Variants in ANO4 observed in about 807,000 individuals in gnomAD.
ANO4 encodes the protein anoctamin 4.
A neutral mutation model predicts 141.9 loss-of-function variants in ANO4; 69 were observed. That is an observed-to-expected ratio of 0.49 (90% confidence interval 0.40 to 0.59). ANO4 has a LOEUF of 0.59. Among genes scored for constraint, ANO4 ranks in the 20% least tolerant of loss-of-function variants. ANO4 has a pLI of 0.00. For missense variants in ANO4, 894 were observed against 1,162.2 expected (o/e 0.77, Z 3.36); for synonymous variants, 350 against 394.3 (o/e 0.89, Z 1.33).
intron 1 of ANO4, among the ~76,000 whole-genome samples, chr12:100,849,745 T>G (rs1323084630): frequency 6.6e-6 from 1 of 152,206 alleles, no homozygotes; most frequent in Admixed American, 6.5e-5. Flanking sequence ...GTAGGAAAAT[T>G]TTTAGAGCTA....
intron 7 of ANO4, among the ~76,000 whole-genome samples, chr12:100,981,248 C>T (rs1318146783): frequency 6.6e-6 from 1 of 152,156 alleles, no homozygotes; most frequent in Non-Finnish European, 1.5e-5. Flanking sequence ...AATAGTACCC[C>T]TGTGACCTAA....
chr12:100,894,086 C>T (rs201204824), intron 1 of ANO4, among the ~76,000 whole-genome samples: 22 of 152,196 alleles, frequency 1.4e-4, no homozygotes, highest in East Asian at 1.4e-3. Flanking sequence ...CTTTTCAATG[C>T]GCTTAAACGC....
intron 22 of ANO4, among the ~76,000 whole-genome samples, chr12:101,108,238 A>G (rs2050525348): frequency 6.6e-6 from 1 of 152,150 alleles, no homozygotes; most frequent in South Asian, 2.1e-4. Flanking sequence ...ACCAAGGTTG[A>G]AACAGAAGGG....
chr12:100,807,273 G>A (rs1446470036), intron 1 of ANO4, among the ~76,000 whole-genome samples: 3 of 152,092 alleles, frequency 2.0e-5, no homozygotes, highest in South Asian at 2.1e-4. Flanking sequence ...ACATGGAAGG[G>A]TATCATCATC....
At chr12:100,939,574 A>T in intron 4 of ANO4, 123 bp downstream of exon 4, 4 of 1,103,412 alleles carry the variant, frequency 3.6e-6, no homozygotes, top group Non-Finnish European at 4.9e-6. Context: ...AAAACAAGGG[A>T]CAGGTTTTAT....
At chr12:101,042,177 A>T (rs2047433917) in intron 11 of ANO4, among the ~76,000 whole-genome samples, 157 bp from the exon 12 acceptor site, 1 of 152,198 alleles carries the variant, frequency 6.6e-6, no homozygotes, top group South Asian at 2.1e-4. Context: ...ATGTAAGCCC[A>T]GATCCTAGAT....
intron 8 of ANO4, among the ~76,000 whole-genome samples, chr12:100,994,772 G>C (rs1007708316): frequency 8.5e-5 from 13 of 152,176 alleles, no homozygotes; most frequent in Admixed American, 8.5e-4. Flanking sequence ...GGTGCTTGGA[G>C]ATCAACAGTA....
Position 100,887,650 on chromosome 12 carries a change from A to C in ANO4, c.-140-13996A>C, listed in dbSNP as rs144095307. Among the ~76,000 whole-genome samples, 4 of 152,330 alleles carry C rather than the reference A, an allele frequency of 2.6e-5. No homozygotes were observed. The East Asian group carries it at 5.8e-4, about 22-fold the overall frequency. On this transcript the variant is annotated intron_variant, in intron 1 of 27. Coordinates refer to ENST00000392977, the MANE Select transcript of ANO4 (RefSeq NM_001286615.2). ...TGTCAGACAGTGAGCTCATGAGTGC[A>C]AGGACTCTGTCTTTTAATTTCTGAA...
chr12:101,033,259 T>C (rs920516074), intron 9 of ANO4, among the ~76,000 whole-genome samples: 1 of 151,696 alleles, frequency 6.6e-6, no homozygotes, highest in African/African-American at 2.4e-5. Flanking sequence ...TAGGTGGGAA[T>C]TGAACAATGA....
chr12:101,111,466 G>A, intron 23 of ANO4, 97 bp from the exon 24 acceptor site: 1 of 1,146,620 alleles, frequency 8.7e-7, no homozygotes, highest in South Asian at 1.8e-5. Context: ...ATGAAGAAAG[G>A]ACCCATGAAA....
intron 5 of ANO4, among the ~76,000 whole-genome samples, chr12:100,969,820 A>G (rs915009194): frequency 6.6e-6 from 1 of 152,226 alleles, no homozygotes; most frequent in Non-Finnish European, 1.5e-5. Flanking sequence ...GTCCAGATCA[A>G]TCCTATATGA....
intron 3 of ANO4, among the ~76,000 whole-genome samples, chr12:100,932,515 G>T (rs951476352): frequency 6.6e-6 from 1 of 151,932 alleles, no homozygotes; most frequent in Admixed American, 6.6e-5. Context: ...TAATTAGTTC[G>T]TCCATTTATT....
chr12:101,107,603 A>G (rs2137001476), intron 22 of ANO4, among the ~76,000 whole-genome samples: 1 of 152,280 alleles, frequency 6.6e-6, no homozygotes, highest in Middle Eastern at 3.4e-3. Flanking sequence ...GCCAGAGTAG[A>G]GGATTGTTTG....
At chr12:100,801,405 TCTG>T (rs1374546783) in intron 1 of ANO4, among the ~76,000 whole-genome samples, 1 of 152,220 alleles carries the variant, frequency 6.6e-6, no homozygotes, top group African/African-American at 2.4e-5. Context: ...AGGAAATGTT[TCTG>T]CTTTCAAATG....
intron 3 of ANO4, among the ~76,000 whole-genome samples, chr12:100,752,075 A>G (rs2032409406): frequency 6.6e-6 from 1 of 152,224 alleles, no homozygotes; most frequent in Non-Finnish European, 1.5e-5. Context: ...GACTCAAATG[A>G]GATAAAATAG....
At chr12:100,756,050 G>A (rs1565857681) in intron 3 of ANO4, among the ~76,000 whole-genome samples, 2 of 151,948 alleles carry the variant, frequency 1.3e-5, no homozygotes, top group South Asian at 2.1e-4. Context: ...TTTTAATTAC[G>A]TTTATTATTT....
intron 11 of ANO4, 137 bp downstream of exon 11, chr12:101,040,213 G>A: frequency 1.8e-6 from 2 of 1,105,074 alleles, no homozygotes; most frequent in Non-Finnish European, 2.4e-6. Context: ...CTTCACAAGA[G>A]GAAACTCATC....
intron 8 of ANO4, among the ~76,000 whole-genome samples, chr12:101,009,375 A>C (rs751298325): frequency 9.2e-5 from 14 of 152,092 alleles, no homozygotes; most frequent in Non-Finnish European, 1.9e-4. Flanking sequence ...GAGAAAACAA[A>C]TTTCTGTTTT....
At chr12:101,105,505 T>G (rs1366702153) in intron 22 of ANO4, among the ~76,000 whole-genome samples, 1 of 152,258 alleles carries the variant, frequency 6.6e-6, no homozygotes, top group African/African-American at 2.4e-5. Context: ...GTTGGTCAAA[T>G]TTGGCCACAG....
Sources: gnomAD v4.1 joint callset for allele counts (sites outside exome capture counted in the v4.1 genomes callset) on GRCh38, gnomAD v4.1.1 for gene constraint, MANE v1.5 for transcripts, NCBI Gene and HGNC (gene_info 2026-07-23, HGNC 2026-07-21) for gene names.